SLC22A6: variants seen among roughly 807,000 people sequenced by gnomAD.
SLC22A6 encodes solute carrier family 22 member 6.
Under a neutral mutation model 56.7 loss-of-function variants are expected in SLC22A6, and 45 were observed. The observed-to-expected ratio is 0.79, with a 90% CI of 0.63 to 1.02. SLC22A6 has a LOEUF of 1.02. Ranked by LOEUF, SLC22A6 falls within the 50% of genes least tolerant of loss-of-function variation. The probability of loss-of-function intolerance (pLI) is 0.00; values close to 1 mark genes in which losing one functional copy is unlikely to be tolerated. For missense variants in SLC22A6, 606 were observed against 713.8 expected, an observed-to-expected ratio of 0.85 and a Z score of 1.72; for synonymous variants, 291 against 295.9, an observed-to-expected ratio of 0.98 and a Z score of 0.17.
In SLC22A6 at chr11:62,977,242, G is replaced by A; in HGVS notation, c.1507C>T (p.Leu503Phe). The change falls in exon 9 of 10, where the codon CTC (leucine) becomes TTC (phenylalanine). Residue 503 changes from leucine (L) to phenylalanine (F), a missense_variant. Transcript: ENST00000360421. ...VPVAASAVTV[L>F]LPETLGQPLP... Reference sequence around the variant, plus strand: ...GGCTGGCCCAGGGTCTCTGGCAGGAGGACAGTGACAGCGCTGGCGGCCACA... The same window carrying A: ...GGCTGGCCCAGGGTCTCTGGCAGGAAGACAGTGACAGCGCTGGCGGCCACA... 6.2e-7 allele frequency: 1 copy of A among 1,614,172 alleles called. No individual in the cohort carries two copies. Among genetic ancestry groups the A allele is most frequent in the East Asian group, 2.2e-5 (1 of 44,886 alleles).
At chr11:62,981,819 C>T (rs1461961951) in intron 4 of SLC22A6, 23 bp downstream of exon 4, 1 of 1,590,522 alleles carries the variant, frequency 6.3e-7, no homozygotes, top group Non-Finnish European at 8.6e-7. Flanking sequence ...TGGCAACCAC[C>T]TCCAACCCTA....
chr11:62,980,315 A>C (rs1201014730), intron 6 of SLC22A6, among the ~76,000 whole-genome samples: 2 of 152,164 alleles, frequency 1.3e-5, no homozygotes, highest in East Asian at 1.9e-4. Context: ...GAGTAGAGAG[A>C]GCCTTCTGGG....
In SLC22A6 at chr11:62,978,880, G is replaced by A. The variant is rs570824775; in HGVS notation, c.1361+608C>T. Among the ~76,000 whole-genome samples the A allele has an allele frequency of 5.3e-5, 8 of 152,034 alleles. No individual in the cohort carries two copies. The East Asian group carries it at 1.5e-3, about 29-fold the overall frequency. On this transcript the variant is annotated intron_variant, in intron 8 of 9. Coordinates refer to ENST00000360421, the MANE Select transcript of SLC22A6 (RefSeq NM_153276.3). ...GCTGGGATTACAGGCGTGAGCCACC[G>A]TGCCCGGCCGGTCTTGATCTCTTGA... is the stretch of plus-strand genomic sequence containing the variant.
Position 62,983,493 on chromosome 11 carries a change from G to T in SLC22A6, c.628+44C>A. 6.5e-7 allele frequency: 1 copy of T among 1,548,188 alleles called. No homozygotes were observed. Among genetic ancestry groups the T allele is most frequent in the Non-Finnish European group, 8.7e-7 (1 of 1,145,942 alleles). On this transcript the variant is annotated intron_variant, in intron 3 of 9. Transcript: ENST00000360421. The surrounding 1 kb of genome is among the most constrained non-coding windows in gnomAD (Gnocchi z 4.5). ...GAGGGGAGGCTGGAAAGGGGTTGCT[G>T]GGCTGGGTGGCCGGAGGGGAGTGGG...
At chr11:62,977,410 G>A in intron 8 of SLC22A6, 23 bp from the exon 9 acceptor site, 1 of 1,595,614 alleles carries the variant, frequency 6.3e-7, no homozygotes, top group Non-Finnish European at 8.5e-7. Context: ...CAGCAGATGG[G>A]TGTTGGTTAG....
intron 8 of SLC22A6, among the ~76,000 whole-genome samples, chr11:62,979,160 G>A (rs1340015917): frequency 2.0e-5 from 3 of 152,190 alleles, no homozygotes; most frequent in African/African-American, 7.2e-5. Flanking sequence ...AGATGTGGTG[G>A]CAGCTTCTAA....
At chr11:62,982,135 T>C in intron 3 of SLC22A6, 125 bp from the exon 4 acceptor site, 1 of 887,564 alleles carries the variant, frequency 1.1e-6, no homozygotes, top group Non-Finnish European at 1.7e-6. Flanking sequence ...GTAAGTTGAG[T>C]GCCAGGGTGA....
Position 62,979,858 on chromosome 11 carries a change from A to G in SLC22A6, c.1128T>C (p.Ala376=), listed in dbSNP as rs757374899. 1.2e-6 allele frequency: 2 copies of G among 1,614,204 alleles called. No individual in the cohort carries two copies. The highest frequency in any genetic ancestry group is 1.1e-5 in the South Asian group (1 of 91,086). ...CCACAAGCTTGGCAGGCAGGTCCAC[A>G]GCACCAAAGATCACCTGGATTAGGT... ...SIYLIQVIFG[A]VDLPAKLVGF... is the part of the protein sequence containing the mutation. Residue 376 remains alanine, a synonymous_variant, in exon 7 of 10, where the codon GCT becomes GCC. Coordinates refer to ENST00000360421, the MANE Select transcript of SLC22A6 (RefSeq NM_153276.3).
At position 62,981,880 on chromosome 11, in the gene SLC22A6, C is replaced by T. The variant is rs774484549; in HGVS notation, c.759G>A (p.Leu253=). The change falls in exon 4 of 10, where the codon CTG becomes CTA. Residue 253 remains leucine, a synonymous_variant. Coordinates refer to ENST00000360421, the MANE Select transcript of SLC22A6 (RefSeq NM_153276.3). ...AVPHWRHLQL[L]VSAPFFAFFI... is the part of the protein sequence containing the mutation. Reference sequence around the variant, plus strand: ...AGAAGGCAAAAAAAGGCGCAGAGACCAGTAGCTGCAGGTGGCGCCAGTGGG... The same window carrying T: ...AGAAGGCAAAAAAAGGCGCAGAGACTAGTAGCTGCAGGTGGCGCCAGTGGG... The T allele has an allele frequency of 1.9e-6, 3 of 1,613,692 alleles. No individual in the cohort carries two copies. The highest frequency in any genetic ancestry group is 1.1e-5 in the South Asian group (1 of 90,916).
chr11:62,980,990 C>T lies in SLC22A6; in HGVS notation c.1032G>A (p.Met344Ile). ...GTCTGTCTTTCTGGGCCTACCACAG[C>T]ATGGAGAGGCAGAGGAAGAGGTGGC... ...TLRHLFLCLS[M>I]LWFATSFAYY... Residue 344 changes from methionine (M) to isoleucine (I), a missense_variant, in exon 6 of 10, where the codon ATG (methionine) becomes ATA (isoleucine). Physicochemically the swap from Met to Ile is conservative, Grantham distance 10 (BLOSUM62 1). Transcript: ENST00000360421. The T allele has an allele frequency of 1.2e-6, 2 of 1,603,798 alleles. No homozygotes were observed. Among genetic ancestry groups the T allele is most frequent in the East Asian group, 2.2e-5 (1 of 44,716 alleles).
rs748576731 is a variant in SLC22A6, at chr11:62,983,903, TCCCAG to T, written c.473+36_473+40del. ...ACCCTGAGCCCAGCTGAGCCCCTAA[TCCCAG>T]CCCAGCCCAGCCCCTTGACCCTACC... On this transcript the variant is annotated intron_variant, in intron 2 of 9. Transcript: ENST00000360421. This position sits in a 1 kb window ranked among gnomAD's most constrained non-coding sequence, Gnocchi z 4.5. The T allele has an allele frequency of 4.8e-6, 7 of 1,466,398 alleles. No individual in the cohort carries two copies. Among genetic ancestry groups the T allele is most frequent in the East Asian group, 2.3e-5 (1 of 42,940 alleles). 90.8% of individuals were successfully genotyped at this position (1,466,398 alleles called of 1,614,324 possible).
At position 62,980,059 on chromosome 11, in the gene SLC22A6, C is replaced by G. The variant is rs1012909074; in HGVS notation, c.1038-111G>C. On this transcript the variant is annotated intron_variant, in intron 6 of 9. Coordinates refer to ENST00000360421, the MANE Select transcript of SLC22A6 (RefSeq NM_153276.3). ...GGTACCCTGCTTAAGGAGCTGGAAT[C>G]TGCCTTGGCTAATATTTCTTCATTT... 4 of 709,690 alleles carry G rather than the reference C, an allele frequency of 5.6e-6. No individual in the cohort carries two copies. The Admixed American group carries it at 6.9e-5, about 12-fold the overall frequency. The allele number at this position is 709,690 out of a possible 1,614,324, so 44.0% of individuals were successfully genotyped here. A position where few individuals can be genotyped will look rare whatever the true frequency, so the allele number is the denominator to read the frequency against.
intron 9 of SLC22A6, 43 bp downstream of exon 9, chr11:62,977,141 T>C (rs1339734361): frequency 6.2e-7 from 1 of 1,614,010 alleles, no homozygotes; most frequent in East Asian, 2.2e-5. Context: ...CCTGCATGTG[T>C]TACCTGGGAT....
intron 1 of SLC22A6, 117 bp from the exon 2 acceptor site, chr11:62,984,164 C>G (rs2086289183): frequency 1.6e-6 from 2 of 1,215,556 alleles, no homozygotes; most frequent in Non-Finnish European, 1.2e-6. Context: ...GCACTTTGCC[C>G]TTTGCCTCTC....
Position 62,976,851 on chromosome 11 carries a change from C to T in SLC22A6, c.1596G>A (p.Glu532=). Residue 532 remains glutamate (E), a synonymous_variant, in exon 10 of 10, where the codon GAG becomes GAA. Transcript: ENST00000360421. ...GCAGTGGGACCATATACTTCTGGTG[C>T]TCTTGTTGCTGTCGCGTCTGTTTCC... is the stretch of plus-strand genomic sequence containing the variant. The part of the protein sequence containing the change: ...RKGKQTRQQQ[E]HQKYMVPLQA... 2 of 1,614,112 alleles carry T rather than the reference C, an allele frequency of 1.2e-6. No homozygotes were observed. Among genetic ancestry groups the T allele is most frequent in the South Asian group, 2.2e-5 (2 of 91,054 alleles).
intron 3 of SLC22A6, 29 bp from the exon 4 acceptor site, chr11:62,982,039 C>T (rs951511221): frequency 6.2e-7 from 1 of 1,602,560 alleles, no homozygotes; most frequent in Non-Finnish European, 8.5e-7. Context: ...CAGGATGCTG[C>T]AACTACCTGG....
chr11:62,979,451 G>A (rs766684887), intron 8 of SLC22A6, 37 bp downstream of exon 8: 81 of 1,330,760 alleles, frequency 6.1e-5, no homozygotes, highest in Non-Finnish European at 8.2e-5. Context: ...CTTTCCCCAG[G>A]AAAAGGCTGT....
intron 3 of SLC22A6, 95 bp from the exon 4 acceptor site, chr11:62,982,105 C>A: frequency 7.9e-7 from 1 of 1,261,722 alleles, no homozygotes; most frequent in South Asian, 1.5e-5. Context: ...TGTCCCAAGG[C>A]TCAGTGGAAA....
chr11:62,983,598 G>A lies in SLC22A6; in HGVS notation c.567C>T (p.Cys189=), dbSNP rs747211281. 9 of 1,597,128 alleles carry A rather than the reference G, an allele frequency of 5.6e-6. No individual in the cohort carries two copies. In the East Asian group the frequency reaches 6.8e-5, roughly 12 times the overall value. The change falls in exon 3 of 10, where the codon TGC becomes TGT. Residue 189 remains cysteine, a synonymous_variant. Transcript: ENST00000360421. This position sits in a 1 kb window ranked among gnomAD's most constrained non-coding sequence, Gnocchi z 4.5. ...CCATGCCCGAGAGGAGCCGGAAGGCGCAGTAGATGGGGAAGTTGGGTGCGA... is the reference window on the plus strand; with the variant it reads ...CCATGCCCGAGAGGAGCCGGAAGGCACAGTAGATGGGGAAGTTGGGTGCGA... ...AAFAPNFPIY[C]AFRLLSGMAL...
Sources: allele counts gnomAD v4.1 joint callset (sites outside exome capture counted in the v4.1 genomes callset), GRCh38; gene constraint gnomAD v4.1.1; non-coding constraint Gnocchi (gnomAD v3.1); transcripts MANE v1.5; gene names NCBI Gene and HGNC (gene_info 2026-07-23, HGNC 2026-07-21).